The following HSDL2 variants were observed in gnomAD, a reference collection of about 807,000 sequenced individuals.
HSDL2 encodes the protein hydroxysteroid dehydrogenase-like protein 2.
HSDL2 carries 27 observed loss-of-function variants against 46.3 expected under a neutral mutation model. The ratio of observed to expected loss-of-function variants is 0.58; its 90% CI spans 0.43 to 0.80. The LOEUF is 0.80. Among genes scored for constraint, HSDL2 ranks in the 30% least tolerant of loss-of-function variants. HSDL2 has a pLI of 0.00. For missense variants in HSDL2, 451 were observed against 502.7 expected (o/e 0.90, Z 0.98); for synonymous variants, 153 against 163.6 (o/e 0.94, Z 0.50).
At chr9:112,455,084 G>C (rs1333844125) in intron 9 of HSDL2, among the ~76,000 whole-genome samples, 2 of 151,982 alleles carry the variant, frequency 1.3e-5, no homozygotes, top group Non-Finnish European at 2.9e-5. Flanking sequence ...GTAAGAACTA[G>C]CTGCCAGGGA....
intron 1 of HSDL2, among the ~76,000 whole-genome samples, chr9:112,397,881 T>C (rs1420510871): frequency 6.6e-6 from 1 of 152,194 alleles, no homozygotes; most frequent in African/African-American, 2.4e-5. Flanking sequence ...AAAGGTAAGA[T>C]TGAGCGGCCT....
In HSDL2 at chr9:112,438,559, G is replaced by A. The variant is rs374362681; in HGVS notation, c.727G>A (p.Val243Ile). ...QKPKSFTGNF[V>I]IDENILKEEG... ...GCCAAAAAGTTTTACTGGCAACTTT[G>A]TCATTGATGAAAATATCTTAAAAGA... is the stretch of plus-strand genomic sequence containing the variant. Residue 243 changes from valine to isoleucine, a missense_variant, in exon 7 of 11, where the codon GTC (valine) becomes ATC (isoleucine). Transcript: ENST00000398805. The A allele has an allele frequency of 7.6e-5, 122 of 1,611,742 alleles. No homozygotes were observed. The highest frequency in any genetic ancestry group is 9.8e-5 in the Non-Finnish European group (116 of 1,178,754).
chr9:112,444,700 T>G (rs1280702019), intron 8 of HSDL2, among the ~76,000 whole-genome samples: 1 of 152,042 alleles, frequency 6.6e-6, no homozygotes, highest in Non-Finnish European at 1.5e-5. Context: ...ATCAAGCCAT[T>G]AAACTCCAGC....
chr9:112,383,470 A>ATTT (rs10641655), intron 1 of HSDL2, among the ~76,000 whole-genome samples: 2 of 151,920 alleles, frequency 1.3e-5, no homozygotes, highest in African/African-American at 2.4e-5. Flanking sequence ...TTATAGTCAG[A>ATTT]TTTTTTTATC....
intron 8 of HSDL2, among the ~76,000 whole-genome samples, chr9:112,449,655 G>A (rs1391450543): frequency 6.6e-6 from 1 of 151,858 alleles, no homozygotes; most frequent in Non-Finnish European, 1.5e-5. Flanking sequence ...TCTGAGCTCC[G>A]GTGTTCAAGA....
At chr9:112,452,272 T>C (rs1832904669) in intron 8 of HSDL2, among the ~76,000 whole-genome samples, 1 of 152,250 alleles carries the variant, frequency 6.6e-6, no homozygotes, top group Non-Finnish European at 1.5e-5. Context: ...AGATTTCATG[T>C]AATAACCTTT....
Position 112,470,489 on chromosome 9 carries a change from T to C in HSDL2, c.1202T>C (p.Met401Thr). 1 of 1,612,094 alleles carries C rather than the reference T, an allele frequency of 6.2e-7. No homozygotes were observed. Among genetic ancestry groups the C allele is most frequent in the Non-Finnish European group, 8.5e-7 (1 of 1,178,820 alleles). Residue 401 changes from methionine to threonine, a missense_variant, in exon 11 of 11, where the codon ATG (methionine) becomes ACG (threonine). Physicochemically the swap from Met to Thr is moderately conservative, Grantham distance 81 (BLOSUM62 -1). Coordinates refer to ENST00000398805, the MANE Select transcript of HSDL2 (RefSeq NM_032303.5). ...GGGAAATTGAAGATTAAAGGTAACA[T>C]GGCCCTAGCAATCAAATTGGAGAAG... is the stretch of plus-strand genomic sequence containing the variant. ...MSGKLKIKGN[M>T]ALAIKLEKLM...
chr9:112,405,417 C>G (rs117348944), intron 2 of HSDL2, among the ~76,000 whole-genome samples: 1 of 152,002 alleles, frequency 6.6e-6, no homozygotes, highest in African/African-American at 2.4e-5. Context: ...ACAAAGAAAC[C>G]CCCACCAAAC....
At position 112,470,605 on chromosome 9, in the gene HSDL2, A is replaced by G. The variant is rs1336009210; in HGVS notation, c.*61A>G. 3.5e-6 allele frequency: 3 copies of G among 867,482 alleles called. No homozygotes were observed. Among genetic ancestry groups the G allele is most frequent in the African/African-American group, 1.7e-5 (1 of 57,936 alleles). 53.7% of individuals were successfully genotyped at this position (867,482 alleles called of 1,614,324 possible). A position where few individuals can be genotyped will look rare whatever the true frequency, so the allele number is the denominator to read the frequency against. Reference sequence around the variant, plus strand: ...AAAAAGTAAAAAAAGCTCAACAGTTAAAATCTAATGTTTGTTTTCTTTCCT... The same window carrying G: ...AAAAAGTAAAAAAAGCTCAACAGTTGAAATCTAATGTTTGTTTTCTTTCCT... On this transcript the variant is annotated 3_prime_UTR_variant, in exon 11 of 11. Coordinates refer to ENST00000398805, the MANE Select transcript of HSDL2 (RefSeq NM_032303.5).
intron 1 of HSDL2, among the ~76,000 whole-genome samples, chr9:112,384,106 G>A (rs540918216): frequency 1.2e-4 from 19 of 152,238 alleles, no homozygotes; most frequent in Non-Finnish European, 2.5e-4. Context: ...TTATACTTGG[G>A]TATTTATTTT....
intron 9 of HSDL2, among the ~76,000 whole-genome samples, chr9:112,454,824 G>A (rs1832978626): frequency 6.6e-6 from 1 of 151,912 alleles, no homozygotes; most frequent in Non-Finnish European, 1.5e-5. Context: ...TCCTGCCTCA[G>A]CCTCCCAAGT....
At chr9:112,407,540 C>G (rs145566334) in intron 3 of HSDL2, among the ~76,000 whole-genome samples, 1 of 152,104 alleles carries the variant, frequency 6.6e-6, no homozygotes, top group Admixed American at 6.5e-5. Flanking sequence ...CCCCAGCCTC[C>G]CAAGAAGCTG....
intron 10 of HSDL2, among the ~76,000 whole-genome samples, chr9:112,464,119 C>T (rs1833301475): frequency 6.6e-6 from 1 of 152,040 alleles, no homozygotes; most frequent in Non-Finnish European, 1.5e-5. Flanking sequence ...ATAATCCCAA[C>T]ACTTTGGGGG....
chr9:112,450,152 G>T (rs1347856010), intron 8 of HSDL2, among the ~76,000 whole-genome samples: 1 of 152,008 alleles, frequency 6.6e-6, no homozygotes, highest in African/African-American at 2.4e-5. Flanking sequence ...AGTACGGGCA[G>T]GGTATAGGGG....
intron 6 of HSDL2, among the ~76,000 whole-genome samples, chr9:112,426,234 C>CTT (rs71382430): frequency 0.15 from 13,875 of 95,652 alleles, 1,143 homozygotes; most frequent in East Asian, 0.2. Flanking sequence ...GGTAAGCCTT[C>CTT]TTTTTTTTTT....
At chr9:112,396,977 G>T (rs118106410) in intron 1 of HSDL2, among the ~76,000 whole-genome samples, 1 of 152,148 alleles carries the variant, frequency 6.6e-6, no homozygotes, top group Non-Finnish European at 1.5e-5. Context: ...CCCCGCTTCC[G>T]ATTTCCCTGG....
intron 4 of HSDL2, among the ~76,000 whole-genome samples, chr9:112,410,894 A>T (rs1831848797): frequency 6.6e-6 from 1 of 152,124 alleles, no homozygotes; most frequent in South Asian, 2.1e-4. Context: ...ACCCTACTGC[A>T]CTCCAGCCTG....
At chr9:112,411,537 G>T (rs1021628722) in intron 4 of HSDL2, among the ~76,000 whole-genome samples, 1 of 152,124 alleles carries the variant, frequency 6.6e-6, no homozygotes. Context: ...TTAGCCAGGC[G>T]TGGTGGTGTG....
chr9:112,395,307 G>A (rs1831431810), intron 1 of HSDL2, among the ~76,000 whole-genome samples: 1 of 152,188 alleles, frequency 6.6e-6, no homozygotes, highest in Admixed American at 6.5e-5. Context: ...TCTCTTTTCT[G>A]TGGTTTTCAT....
Sources: allele counts gnomAD v4.1 joint callset (sites outside exome capture counted in the v4.1 genomes callset), GRCh38; gene constraint gnomAD v4.1.1; transcripts MANE v1.5; gene names NCBI Gene and HGNC (gene_info 2026-07-23, HGNC 2026-07-21).